LINGO1: variants seen among roughly 807,000 people sequenced by gnomAD.
LINGO1 encodes the protein leucine-rich repeat and immunoglobulin-like domain-containing nogo receptor-interacting protein 1.
In LINGO1, 11 loss-of-function variants were observed where a neutral mutation model predicts 37.3. The observed-to-expected ratio is 0.29, with a 90% CI of 0.19 to 0.49. The LOEUF is 0.49. LINGO1 is among the 20% of genes least tolerant of loss of function. The pLI, the probability that LINGO1 is intolerant of heterozygous loss-of-function variation, is 0.99. For missense variants in LINGO1, 585 were observed against 878.2 expected (o/e 0.67, Z 4.22); for synonymous variants, 387 against 403.0 (o/e 0.96, Z 0.48).
At chr15:77,765,746 G>A (rs1236567506) in intron 1 of LINGO1, among the ~76,000 whole-genome samples, 2 of 152,094 alleles carry the variant, frequency 1.3e-5, no homozygotes, top group Non-Finnish European at 1.5e-5. Context: ...TGAATTTCAG[G>A]TCCAGATCCC....
intron 1 of LINGO1, among the ~76,000 whole-genome samples, chr15:77,630,370 G>C (rs1277898874): frequency 6.6e-6 from 1 of 152,172 alleles, no homozygotes; most frequent in Non-Finnish European, 1.5e-5. Flanking sequence ...AGCCCTCACC[G>C]GCACCAGGGA....
At chr15:77,762,221 G>A (rs193079750) in intron 1 of LINGO1, among the ~76,000 whole-genome samples, 16 of 152,328 alleles carry the variant, frequency 1.1e-4, no homozygotes, top group Admixed American at 4.6e-4. Context: ...GTGGCATGAG[G>A]ACAGTGTGTG....
intron 1 of LINGO1, among the ~76,000 whole-genome samples, chr15:77,751,756 G>T (rs1255493027): frequency 1.3e-5 from 2 of 152,202 alleles, no homozygotes; most frequent in Non-Finnish European, 2.9e-5. Flanking sequence ...CCAGTCCCTG[G>T]GAGAAGTTAG....
In LINGO1 at chr15:77,672,150, G is replaced by A. The variant is rs1252201094; in HGVS notation, c.-13+4939C>T. Among the ~76,000 whole-genome samples the A allele has an allele frequency of 1.2e-4, 7 of 57,348 alleles. No individual in the cohort carries two copies. In the South Asian group the frequency reaches 2.3e-3, roughly 19 times the overall value. 37.6% of individuals were successfully genotyped at this position (57,348 alleles called of 152,430 possible). ...AAGCTGCCACTCCTCTCCCCACCCC[G>A]ACCCCCACAGTGCTCGCTCCCCAGC... On this transcript the variant is annotated intron_variant, in intron 3 of 3. Transcript: ENST00000559893.
intron 1 of LINGO1, among the ~76,000 whole-genome samples, chr15:77,765,703 C>T (rs78607838): frequency 6.6e-6 from 1 of 152,120 alleles, no homozygotes; most frequent in South Asian, 2.1e-4. Context: ...GGGACCCATA[C>T]TGAAAACTGA....
chr15:77,715,253 T>C (rs2075970077), intron 2 of LINGO1, among the ~76,000 whole-genome samples: 3 of 152,172 alleles, frequency 2.0e-5, no homozygotes, highest in Admixed American at 2.0e-4. Context: ...CCTATCAGCG[T>C]GGGCCCAGCA....
intron 1 of LINGO1, among the ~76,000 whole-genome samples, chr15:77,629,291 C>T (rs1438343373): frequency 6.9e-6 from 1 of 144,152 alleles, no homozygotes; most frequent in Non-Finnish European, 1.5e-5. Flanking sequence ...CATTCGTTCG[C>T]TTGTTCGTTC....
At chr15:77,768,250 T>C (rs1039378018) in intron 1 of LINGO1, among the ~76,000 whole-genome samples, 2 of 57,326 alleles carry the variant, frequency 3.5e-5, no homozygotes, top group African/African-American at 7.1e-5. Flanking sequence ...CCCTCCCTTC[T>C]CATAAAGGGC....
intron 2 of LINGO1, among the ~76,000 whole-genome samples, chr15:77,682,964 A>C (rs2075443007): frequency 6.6e-6 from 1 of 152,238 alleles, no homozygotes; most frequent in Admixed American, 6.5e-5. Flanking sequence ...CAGACTAGGG[A>C]AAGTATCTCC....
At chr15:77,695,245 G>A (rs530204051) in intron 1 of LINGO1, among the ~76,000 whole-genome samples, 3 of 152,338 alleles carry the variant, frequency 2.0e-5, no homozygotes, top group South Asian at 2.1e-4. Flanking sequence ...TCGTGGAAGT[G>A]CCAGGCAGTT....
chr15:77,777,465 G>GCGCGCACA (rs1248160455), intron 1 of LINGO1, among the ~76,000 whole-genome samples: 5 of 140,004 alleles, frequency 3.6e-5, no homozygotes, highest in African/African-American at 1.4e-4. Flanking sequence ...ATACACACAC[G>GCGCGCACA]CACACACACA....
upstream of LINGO1, among the ~76,000 whole-genome samples, chr15:77,636,766 T>C (rs1253537980): frequency 6.6e-6 from 1 of 152,020 alleles, no homozygotes; most frequent in South Asian, 2.1e-4. Context: ...GTGGGGGCCA[T>C]GTAGCCTCCA....
At position 77,615,363 on chromosome 15, in the gene LINGO1, T is replaced by C. The variant is rs1215488041; in HGVS notation, c.544A>G (p.Ile182Val). The C allele has an allele frequency of 1.9e-6, 3 of 1,613,854 alleles. No individual in the cohort carries two copies. Among genetic ancestry groups the C allele is most frequent in the Middle Eastern group, 1.6e-4 (1 of 6,062 alleles). Residue 182 changes from isoleucine to valine, a missense_variant, in exon 2 of 2, where the codon ATC becomes GTC. Around this residue, in one of 4 missense-constraint regions of LINGO1, gnomAD observed 484 missense variants for 735.0 expected, o/e 0.66. Transcript: ENST00000355300. ...AGGCCGCTGAAGGCGCGGTGAGAGA[T>C]GTAGACGAGGTCATTGTCGCCAACC... is the stretch of plus-strand genomic sequence containing the variant. ...LEVGDNDLVYISHRAFSGLNS... is the reference protein window; with the variant it reads ...LEVGDNDLVYVSHRAFSGLNS...
chr15:77,710,984 C>T (rs151264949), intron 2 of LINGO1, among the ~76,000 whole-genome samples: 18 of 152,352 alleles, frequency 1.2e-4, no homozygotes, highest in Middle Eastern at 3.4e-3. Context: ...GCAGCCCGCA[C>T]GGCCTTGCTT....
chr15:77,769,389 C>G (rs561696669), intron 1 of LINGO1, among the ~76,000 whole-genome samples: 9 of 152,238 alleles, frequency 5.9e-5, no homozygotes, highest in South Asian at 2.1e-4. Context: ...AGGTCCCCCC[C>G]CAGCCTCCCC....
chr15:77,814,472 T>C (rs1224332798), intron 1 of LINGO1, among the ~76,000 whole-genome samples: 1 of 152,156 alleles, frequency 6.6e-6, no homozygotes, highest in Non-Finnish European at 1.5e-5. Context: ...ATAATAAGGC[T>C]CCTCTTTACT....
At chr15:77,806,101 A>G (rs2076957467) in intron 1 of LINGO1, among the ~76,000 whole-genome samples, 2 of 152,300 alleles carry the variant, frequency 1.3e-5, no homozygotes, top group South Asian at 2.1e-4. Context: ...GGTGATGTCC[A>G]GCAGCCGCCG....
intron 3 of LINGO1, among the ~76,000 whole-genome samples, chr15:77,664,170 T>TGTGTGTGTGTGTGTGC: frequency 2.0e-4 from 26 of 131,008 alleles, no homozygotes; most frequent in African/African-American, 8.1e-4. Flanking sequence ...TGTGTGTGTG[T>TGTGTGTGTGTGTGTGC]GCGCGCGCGC....
intron 1 of LINGO1, among the ~76,000 whole-genome samples, chr15:77,760,629 T>C (rs79302177): frequency 2.3e-4 from 35 of 152,312 alleles, no homozygotes; most frequent in African/African-American, 7.7e-4. Context: ...TCCAGCCCCT[T>C]TGCCTGGCCC....
Sources: allele counts gnomAD v4.1 joint callset (sites outside exome capture counted in the v4.1 genomes callset), GRCh38; gene constraint gnomAD v4.1.1; regional missense constraint gnomAD v4.1.1; transcripts MANE v1.5; gene names NCBI Gene and HGNC (gene_info 2026-07-23, HGNC 2026-07-21).